Variants in FRAS1 observed in about 807,000 individuals in gnomAD.
The protein encoded by FRAS1 is extracellular matrix organizing protein FRAS1.
In FRAS1, 290 loss-of-function variants were observed where a neutral mutation model predicts 435.2. The observed-to-expected ratio is 0.67, with a 90% CI of 0.61 to 0.73. The LOEUF (loss-of-function observed/expected upper bound fraction) is 0.73. FRAS1 is among the 30% of genes least tolerant of loss of function. FRAS1 has a pLI of 0.00. For synonymous variants in FRAS1, 1,800 were observed against 1,851.0 expected (o/e 0.97, Z 0.71); for missense variants, 4,860 against 5,001.5 (o/e 0.97, Z 0.85).
intron 67 of FRAS1, 56 bp downstream of exon 67, chr4:78,519,537 T>A (rs1721323523): frequency 1.3e-6 from 2 of 1,566,524 alleles, no homozygotes; most frequent in Middle Eastern, 1.7e-4. Context: ...TCAAGCAAGA[T>A]TAAAAGAAGA....
At chr4:78,130,464 T>C (rs1416341847) in intron 2 of FRAS1, among the ~76,000 whole-genome samples, 1 of 152,284 alleles carries the variant, frequency 6.6e-6, no homozygotes, top group African/African-American at 2.4e-5. Flanking sequence ...TTGAGTCTAG[T>C]CAGATCAGAA....
intron 9 of FRAS1, among the ~76,000 whole-genome samples, chr4:78,274,909 T>C (rs1487883642): frequency 1.3e-5 from 2 of 152,108 alleles, no homozygotes; most frequent in Non-Finnish European, 2.9e-5. Context: ...ATGTTGACAG[T>C]GGGGTGTTAA....
chr4:78,528,466 C>T (rs939586989), intron 70 of FRAS1, among the ~76,000 whole-genome samples: 7 of 152,158 alleles, frequency 4.6e-5, no homozygotes, highest in Admixed American at 4.6e-4. Flanking sequence ...TTTTCTGCCA[C>T]TATGGATAAG....
chr4:78,450,073 C>A, intron 44 of FRAS1, 78 bp from the exon 45 acceptor site: 1 of 1,121,702 alleles, frequency 8.9e-7, no homozygotes, highest in Non-Finnish European at 1.3e-6. Context: ...ATTTAGCCTC[C>A]AGTCTCCTAA....
At chr4:78,384,894 T>G (rs1432763507) in intron 28 of FRAS1, among the ~76,000 whole-genome samples, 2 of 125,454 alleles carry the variant, frequency 1.6e-5, no homozygotes, top group African/African-American at 3.3e-5. Flanking sequence ...AGCAACACAG[T>G]GAGACCCTGT....
chr4:78,225,611 G>C (rs1578195045), intron 2 of FRAS1, among the ~76,000 whole-genome samples: 1 of 152,166 alleles, frequency 6.6e-6, no homozygotes, highest in African/African-American at 2.4e-5. Flanking sequence ...GGACCAGGCT[G>C]TAGTCTTCCG....
At chr4:78,099,492 A>C (rs1232604500) in intron 2 of FRAS1, among the ~76,000 whole-genome samples, 1 of 152,196 alleles carries the variant, frequency 6.6e-6, no homozygotes, top group Non-Finnish European at 1.5e-5. Context: ...CACGTAAAAT[A>C]GGAGGTAAAT....
In FRAS1 at chr4:78,063,006, C is replaced by T. The variant is rs1739825803; in HGVS notation, c.77-2979C>T. Among the ~76,000 whole-genome samples the T allele has an allele frequency of 2.6e-5, 4 of 152,260 alleles. No individual in the cohort carries two copies. The South Asian group carries it at 8.3e-4, about 32-fold the overall frequency. ...GTTTTCCTTTGAGGGAGGCTCATTT[C>T]TTCTTCTAGATCAGCACTCTCTCAC... On this transcript the variant is annotated intron_variant, in intron 1 of 73. Coordinates refer to ENST00000512123, the MANE Select transcript of FRAS1 (RefSeq NM_025074.7).
At chr4:78,137,744 AT>A (rs1719985190) in intron 2 of FRAS1, among the ~76,000 whole-genome samples, 1 of 152,190 alleles carries the variant, frequency 6.6e-6, no homozygotes, top group African/African-American at 2.4e-5. Context: ...GTCATGGTTA[AT>A]AGTACGTGCT....
chr4:78,282,755 G>T (rs140945295), intron 11 of FRAS1, 65 bp from the exon 12 acceptor site: 11 of 1,582,314 alleles, frequency 7.0e-6, no homozygotes, highest in Middle Eastern at 1.9e-4. Flanking sequence ...AAGTTCTTCA[G>T]CAGCAAGCTC....
chr4:78,139,692 A>T (rs1490692749), intron 2 of FRAS1, among the ~76,000 whole-genome samples: 1 of 152,218 alleles, frequency 6.6e-6, no homozygotes, highest in Non-Finnish European at 1.5e-5. Context: ...TAAATAGGAT[A>T]ATTTCTTTAA....
At chr4:78,201,959 T>C (rs1723066683) in intron 2 of FRAS1, among the ~76,000 whole-genome samples, 1 of 152,066 alleles carries the variant, frequency 6.6e-6, no homozygotes, top group Non-Finnish European at 1.5e-5. Context: ...AACCAGAGGG[T>C]CTCAAGCAGG....
At chr4:78,112,344 C>A (rs1179596840) in intron 2 of FRAS1, among the ~76,000 whole-genome samples, 3 of 152,136 alleles carry the variant, frequency 2.0e-5, no homozygotes, top group Non-Finnish European at 4.4e-5. Flanking sequence ...CACATATTTA[C>A]ATTTAGACTT....
intron 6 of FRAS1, 36 bp downstream of exon 6, chr4:78,255,411 G>T: frequency 6.5e-7 from 1 of 1,546,034 alleles, no homozygotes; most frequent in Non-Finnish European, 8.7e-7. Context: ...GCCTTCACGG[G>T]CTATTGAAGA....
intron 20 of FRAS1, among the ~76,000 whole-genome samples, chr4:78,340,740 T>C (rs1335082724): frequency 1.3e-5 from 2 of 152,306 alleles, no homozygotes; most frequent in Non-Finnish European, 2.9e-5. Context: ...GCCCGCAGGC[T>C]TGGCTTACTC....
Position 78,321,923 on chromosome 4 carries a change from T to C in FRAS1, c.2137+2937T>C, listed in dbSNP as rs1394097983. Among the ~76,000 whole-genome samples, 5 of 152,094 alleles carry C rather than the reference T, an allele frequency of 3.3e-5. 1 individual carries two copies. The South Asian group carries it at 1.0e-3, about 31-fold the overall frequency. ...CATGTGAAAGGACTGAATTGACCTC[T>C]TGAGTCCCTTGTAGCCCTGTGACTT... is the stretch of plus-strand genomic sequence containing the variant. On this transcript the variant is annotated intron_variant, in intron 18 of 73. Transcript: ENST00000512123.
intron 2 of FRAS1, among the ~76,000 whole-genome samples, chr4:78,219,717 G>A (rs1560587390): frequency 6.6e-6 from 1 of 152,182 alleles, no homozygotes; most frequent in Non-Finnish European, 1.5e-5. Context: ...ATAAGTAATT[G>A]CCTTGCTGCT....
chr4:78,221,397 A>C (rs925363212), intron 2 of FRAS1, among the ~76,000 whole-genome samples: 1 of 152,200 alleles, frequency 6.6e-6, no homozygotes, highest in Non-Finnish European at 1.5e-5. Flanking sequence ...TTGAAGTAGA[A>C]TTACCCGAGG....
At chr4:78,176,748 TAGA>T (rs977471722) in intron 2 of FRAS1, among the ~76,000 whole-genome samples, 1 of 152,168 alleles carries the variant, frequency 6.6e-6, no homozygotes, top group Non-Finnish European at 1.5e-5. Context: ...ATGTGTTGAG[TAGA>T]AGTTTAACTC....
Sources: allele counts gnomAD v4.1 joint callset (sites outside exome capture counted in the v4.1 genomes callset), GRCh38; gene constraint gnomAD v4.1.1; transcripts MANE v1.5; gene names NCBI Gene and HGNC (gene_info 2026-07-23, HGNC 2026-07-21).